The following ABCB5 variants were observed in gnomAD, a reference collection of about 807,000 sequenced individuals.
ABCB5 encodes the protein ATP-binding cassette sub-family B member 5.
In ABCB5, 155 loss-of-function variants were observed where a neutral mutation model predicts 144.2. That is an observed-to-expected ratio of 1.08 (90% CI 0.94 to 1.23). ABCB5 has a LOEUF of 1.23. Among genes scored for constraint, ABCB5 ranks in the 50% most tolerant of loss-of-function variants. The probability of loss-of-function intolerance (pLI) is 0.00; values close to 1 mark genes in which losing one functional copy is unlikely to be tolerated. For synonymous variants in ABCB5, 610 were observed against 528.6 expected, an observed-to-expected ratio of 1.15 and a Z score of -2.11; for missense variants, 1,830 against 1,520.8, an observed-to-expected ratio of 1.20 and a Z score of -3.38.
intron 14 of ABCB5, among the ~76,000 whole-genome samples, chr7:20,665,766 GAGATACATACATACATACATAC>G (rs1785165571): frequency 7.6e-6 from 1 of 131,318 alleles, no homozygotes; most frequent in Non-Finnish European, 1.6e-5. Flanking sequence ...TAGATAGATA[GAGATACATACATACATACATAC>G]ATACATACAT....
chr7:20,657,116 C>G (rs1363699851), intron 13 of ABCB5, among the ~76,000 whole-genome samples: 1 of 151,736 alleles, frequency 6.6e-6, no homozygotes, highest in East Asian at 1.9e-4. Flanking sequence ...ACCATGTTGC[C>G]CAGGCTGGTG....
intron 5 of ABCB5, among the ~76,000 whole-genome samples, chr7:20,632,609 C>A (rs1784060507): frequency 6.6e-6 from 1 of 152,020 alleles, no homozygotes; most frequent in Non-Finnish European, 1.5e-5. Flanking sequence ...TTGGAACCAA[C>A]CCAAATGTCC....
At chr7:20,702,479 C>T (rs920622858) in intron 19 of ABCB5, among the ~76,000 whole-genome samples, 5 of 151,916 alleles carry the variant, frequency 3.3e-5, no homozygotes, top group South Asian at 2.1e-4. Context: ...GATGGCAGGC[C>T]GAACAAAATA....
rs774533579 is a variant in ABCB5 at position 20,645,824 on chromosome 7, C to T, written c.747C>T (p.Val249=). 6.2e-7 allele frequency: 1 copy of T among 1,613,834 alleles called. No homozygotes were observed. The highest frequency in any genetic ancestry group is 8.5e-7 in the Non-Finnish European group (1 of 1,179,790). The change falls in exon 8 of 28, where the codon GTC becomes GTT. Residue 249 remains valine, a synonymous_variant. Transcript: ENST00000404938. ...YSKAGAVAEE[V]LSSIRTVIAF... The stretch of plus-strand genomic sequence containing the variant: ...AAGCTGGGGCTGTGGCAGAAGAAGT[C>T]TTGTCATCAATCCGAACAGTCATAG...
rs1406657803 is a variant in ABCB5 at position 20,661,534 on chromosome 7, C to CTCTTTTT, written c.1707+2859_1707+2860insCTTTTTT. Among the ~76,000 whole-genome samples, 44 of 132,426 alleles carry CTCTTTTT rather than the reference C, an allele frequency of 3.3e-4. 1 individual carries two copies. Among genetic ancestry groups the CTCTTTTT allele is most frequent in the Middle Eastern group, 3.7e-3 (1 of 272 alleles). 86.9% of individuals were successfully genotyped at this position (132,426 alleles called of 152,430 possible). A position where few individuals can be genotyped will look rare whatever the true frequency, so the allele number is the denominator to read the frequency against. ...TATTCTTTTTTGCTTTCTTTCTTTTCTTTTTCTTTTTTTTTTTTTGAGACC... is the reference window on the plus strand; with the variant it reads ...TATTCTTTTTTGCTTTCTTTCTTTTCTCTTTTTTTTTTCTTTTTTTTTTTTTGAGACC... On this transcript the variant is annotated intron_variant, in intron 14 of 27. Transcript: ENST00000404938.
intron 5 of ABCB5, among the ~76,000 whole-genome samples, chr7:20,636,153 T>C (rs928131582): frequency 1.3e-5 from 2 of 152,162 alleles, no homozygotes; most frequent in African/African-American, 2.4e-5. Flanking sequence ...AAAGTTCTTT[T>C]CTTAGCTAAT....
At chr7:20,642,781 A>G (rs1469858448) in intron 5 of ABCB5, among the ~76,000 whole-genome samples, 1 of 152,162 alleles carries the variant, frequency 6.6e-6, no homozygotes, top group Non-Finnish European at 1.5e-5. Context: ...GAATTCCTTA[A>G]GTTGAATTTG....
In ABCB5 at chr7:20,680,998, CTTTCTT is replaced by C. The variant is rs1207363248; in HGVS notation, c.1708-505_1708-500del. Among the ~76,000 whole-genome samples the C allele has an allele frequency of 5.0e-4, 56 of 111,566 alleles. 3 individuals carry two copies. Among genetic ancestry groups the C allele is most frequent in the African/African-American group, 1.2e-3 (29 of 24,832 alleles). 73.2% of individuals were successfully genotyped at this position (111,566 alleles called of 152,430 possible). A position where few individuals can be genotyped will look rare whatever the true frequency, so the allele number is the denominator to read the frequency against. On this transcript the variant is annotated intron_variant, in intron 14 of 27. Coordinates refer to ENST00000404938, the MANE Select transcript of ABCB5 (RefSeq NM_001163941.2). ...TCTTTCTTTCTTTCTTTCTTTCTTT[CTTTCTT>C]TCTTTCTTTCTTTCTTTCTTTCTTT... is the stretch of plus-strand genomic sequence containing the variant.
chr7:20,640,695 T>C lies in ABCB5; in HGVS notation c.315-2489T>C, dbSNP rs567180457. Among the ~76,000 whole-genome samples the C allele has an allele frequency of 5.3e-5, 8 of 152,314 alleles. No individual in the cohort carries two copies. In the East Asian group the frequency reaches 1.5e-3, roughly 29 times the overall value. On this transcript the variant is annotated intron_variant, in intron 5 of 27. Transcript: ENST00000404938. ...GCAAACCAAATTTTTGGCCACTCTGTGCATGTCCATAAATAACCATGAAAA... is the reference window on the plus strand; with the variant it reads ...GCAAACCAAATTTTTGGCCACTCTGCGCATGTCCATAAATAACCATGAAAA...
rs1554289437 is a variant in ABCB5 at position 20,731,369 on chromosome 7, A to AAT, written c.2867+2930_2867+2931dup. On this transcript the variant is annotated intron_variant, in intron 23 of 27. Coordinates refer to ENST00000404938, the MANE Select transcript of ABCB5 (RefSeq NM_001163941.2). ...CTCCAACTCAGGAAAAAAAAAAAAA[A>AAT]ATATATATATATATATACATATAAA... is the stretch of plus-strand genomic sequence containing the variant. Among the ~76,000 whole-genome samples, 845 of 123,012 alleles carry AAT rather than the reference A, an allele frequency of 6.9e-3. 9 individuals carry two copies. The highest frequency in any genetic ancestry group is 0.016 in the African/African-American group (488 of 30,414). 80.7% of individuals were successfully genotyped at this position (123,012 alleles called of 152,430 possible).
Position 20,658,681 on chromosome 7 carries a change from G to C in ABCB5, c.1707+5G>C. 2 of 1,613,108 alleles carry C rather than the reference G, an allele frequency of 1.2e-6. No individual in the cohort carries two copies. The highest frequency in any genetic ancestry group is 1.7e-6 in the Non-Finnish European group (2 of 1,179,690). Reference sequence around the variant, plus strand: ...GTTCAAGCTGCACTGGAGAAGGTAAGTGAGCAGAAACGTTTCTTATTTCCA... The same window carrying C: ...GTTCAAGCTGCACTGGAGAAGGTAACTGAGCAGAAACGTTTCTTATTTCCA... On this transcript the variant is annotated splice_donor_5th_base_variant and intron_variant, in intron 14 of 27. Transcript: ENST00000404938.
intron 22 of ABCB5, among the ~76,000 whole-genome samples, chr7:20,728,032 T>C (rs1583455192): frequency 6.6e-6 from 1 of 152,238 alleles, no homozygotes; most frequent in East Asian, 1.9e-4. Flanking sequence ...AGCCATCCTT[T>C]CACGGGCTTT....
At position 20,699,870 on chromosome 7, in the gene ABCB5, A is replaced by G. The variant is rs758841463; in HGVS notation, c.2200A>G (p.Ile734Val). The G allele has an allele frequency of 4.3e-6, 7 of 1,612,690 alleles. No individual in the cohort carries two copies. In the Admixed American group the frequency reaches 1.2e-4, roughly 27 times the overall value. ...AACCACATTAAAGCATGATGCAGAA[A>G]TTTATTCCATGATATTCGTCATTTT... ...DKTTLKHDAEIYSMIFVILGV... is the reference protein window; with the variant it reads ...DKTTLKHDAEVYSMIFVILGV... The change falls in exon 18 of 28, where the codon ATT becomes GTT. Residue 734 changes from isoleucine to valine, a missense_variant. Transcript: ENST00000404938.
chr7:20,755,495 T>C lies in ABCB5; in HGVS notation c.3645T>C (p.Ser1215=), dbSNP rs1159197165. Residue 1215 remains serine (S), a synonymous_variant, in exon 28 of 28, where the codon TCT becomes TCC. Transcript: ENST00000404938. ...GCCTAGTGGTCACTCACAGGCTCTC[T>C]GCAATTCAGAACGCAGATTTGATAG... ...RTCLVVTHRL[S]AIQNADLIVV... is the part of the protein sequence containing the mutation. 2 of 1,614,180 alleles carry C rather than the reference T, an allele frequency of 1.2e-6. No homozygotes were observed. Among genetic ancestry groups the C allele is most frequent in the South Asian group, 1.1e-5 (1 of 91,078 alleles).
chr7:20,746,095 G>A (rs1267953220), intron 26 of ABCB5, among the ~76,000 whole-genome samples: 2 of 150,724 alleles, frequency 1.3e-5, no homozygotes, highest in African/African-American at 2.5e-5. Flanking sequence ...GCATAGTAGC[G>A]CCTTAACTTT....
intron 16 of ABCB5, among the ~76,000 whole-genome samples, chr7:20,696,712 G>A (rs1322787504): frequency 3.3e-5 from 5 of 151,972 alleles, no homozygotes; most frequent in Non-Finnish European, 7.4e-5. Context: ...GTTTTTGTAT[G>A]AGATTATTTT....
At chr7:20,641,352 A>AC (rs537877370) in intron 5 of ABCB5, among the ~76,000 whole-genome samples, 6 of 108,434 alleles carry the variant, frequency 5.5e-5, no homozygotes, top group African/African-American at 1.8e-4. Context: ...ATTATTGCAA[A>AC]ACACACACAC....
chr7:20,697,273 G>A (rs1786452895), intron 16 of ABCB5, among the ~76,000 whole-genome samples: 1 of 152,174 alleles, frequency 6.6e-6, no homozygotes, highest in Admixed American at 6.5e-5. Context: ...CCAAACAACA[G>A]TCCGCATTAT....
rs760447978 is a variant in ABCB5 at position 20,651,473 on chromosome 7, C to A, written c.1386C>A (p.Asp462Glu). 1.2e-6 allele frequency: 2 copies of A among 1,613,976 alleles called. No homozygotes were observed. Among genetic ancestry groups the A allele is most frequent in the Admixed American group, 3.3e-5 (2 of 59,978 alleles). ...CTTTAAATGTGCGGCATTATCGAGA[C>A]CATATTGGAGTGGTTAGTCAAGAGC... is the stretch of plus-strand genomic sequence containing the variant. ...IRALNVRHYR[D>E]HIGVVSQEPV... The change falls in exon 13 of 28, where the codon GAC (aspartate) becomes GAA (glutamate). Residue 462 changes from aspartate to glutamate, a missense_variant. Physicochemically the swap from Asp to Glu is conservative, Grantham distance 45. Transcript: ENST00000404938.
Sources: gnomAD v4.1 joint callset for allele counts (sites outside exome capture counted in the v4.1 genomes callset) on GRCh38, gnomAD v4.1.1 for gene constraint, MANE v1.5 for transcripts, NCBI Gene and HGNC (gene_info 2026-07-23, HGNC 2026-07-21) for gene names.